Variants in TNPO3 observed in about 807,000 individuals in gnomAD.
TNPO3 encodes the protein transportin-3.
TNPO3 carries 65 observed loss-of-function variants against 122.8 expected under a neutral mutation model. That is an observed-to-expected ratio of 0.53 (90% CI 0.43 to 0.65). TNPO3 has a LOEUF of 0.65. Ranked by LOEUF, TNPO3 falls within the 30% of genes least tolerant of loss-of-function variation. TNPO3 has a pLI of 0.00. For missense variants in TNPO3, 850 were observed against 1,136.7 expected, an observed-to-expected ratio of 0.75 and a Z score of 3.63; for synonymous variants, 372 against 411.2, an observed-to-expected ratio of 0.90 and a Z score of 1.15.
chr7:128,997,821 C>G (rs1444522107), intron 7 of TNPO3, among the ~76,000 whole-genome samples: 1 of 151,954 alleles, frequency 6.6e-6, no homozygotes, highest in African/African-American at 2.4e-5. Context: ...AAAACAATAA[C>G]AGACATGGAA....
At chr7:129,008,513 T>C (rs1449348482) in intron 4 of TNPO3, among the ~76,000 whole-genome samples, 3 of 151,990 alleles carry the variant, frequency 2.0e-5, no homozygotes, top group African/African-American at 4.8e-5. Context: ...AAAGAAAATA[T>C]TCAGGGATGC....
intron 4 of TNPO3, among the ~76,000 whole-genome samples, chr7:129,006,809 C>A (rs1802628089): frequency 6.6e-6 from 1 of 152,124 alleles, no homozygotes; most frequent in Non-Finnish European, 1.5e-5. Flanking sequence ...TGCTAGGTTG[C>A]TAAGATGAAG....
chr7:128,974,052 T>C (rs994389111), intron 18 of TNPO3, among the ~76,000 whole-genome samples: 3 of 151,310 alleles, frequency 2.0e-5, no homozygotes, highest in Non-Finnish European at 4.4e-5. Context: ...TGGGCACCTG[T>C]AATCCCAACT....
intron 1 of TNPO3, among the ~76,000 whole-genome samples, chr7:129,050,717 A>T (rs1198300836): frequency 6.6e-6 from 1 of 152,178 alleles, no homozygotes. Flanking sequence ...CATTCCCTGA[A>T]CTGGCTTTAG....
chr7:129,020,151 A>C (rs974875239), intron 1 of TNPO3, among the ~76,000 whole-genome samples: 8 of 152,068 alleles, frequency 5.3e-5, no homozygotes, highest in African/African-American at 1.9e-4. Context: ...CCCACCAAAA[A>C]ACCCCAACCT....
At chr7:129,032,974 A>G (rs1327569171) in intron 1 of TNPO3, among the ~76,000 whole-genome samples, 3 of 152,202 alleles carry the variant, frequency 2.0e-5, no homozygotes, top group Non-Finnish European at 4.4e-5. Flanking sequence ...TCAAAACAGT[A>G]TGGGTACTAG....
chr7:129,046,898 T>C (rs1438189446), intron 1 of TNPO3, among the ~76,000 whole-genome samples: 5 of 152,158 alleles, frequency 3.3e-5, no homozygotes, highest in Non-Finnish European at 4.4e-5. Flanking sequence ...GAACCCCCCA[T>C]CATGATTCAA....
intron 10 of TNPO3, 188 bp from the exon 11 acceptor site, chr7:128,990,288 A>T (rs1800619495): frequency 1.4e-6 from 1 of 700,860 alleles, no homozygotes; most frequent in Non-Finnish European, 2.5e-6. Flanking sequence ...TAGAAATGAA[A>T]GATATTGTTT....
At position 129,005,011 on chromosome 7, in the gene TNPO3, C is replaced by T; in HGVS notation, c.696+5G>A. ...AATACTTTGATAAATAAGGTCATTA[C>T]TTACCAAAACCTCAAAAAGGAGTGC... On this transcript the variant is annotated splice_donor_5th_base_variant and intron_variant, in intron 5 of 22. Transcript: ENST00000265388. 6.2e-7 allele frequency: 1 copy of T among 1,611,338 alleles called. No homozygotes were observed. The highest frequency in any genetic ancestry group is 8.5e-7 in the Non-Finnish European group (1 of 1,178,724).
chr7:129,028,730 T>C (rs1805559878), intron 1 of TNPO3, among the ~76,000 whole-genome samples: 1 of 152,206 alleles, frequency 6.6e-6, no homozygotes, highest in African/African-American at 2.4e-5. Flanking sequence ...CTCTCTGTGG[T>C]ACCCAGGTGC....
rs201636723 is a variant in TNPO3, at chr7:129,054,779, C to T, written c.-9G>A. Reference sequence around the variant, plus strand: ...GGCTTTGCTCCTTCCATGGTGGTGGCGGTAGTGGCGGTAGCGACGGCTCTG... The same window carrying T: ...GGCTTTGCTCCTTCCATGGTGGTGGTGGTAGTGGCGGTAGCGACGGCTCTG... On this transcript the variant is annotated 5_prime_UTR_variant, in exon 1 of 23. Transcript: ENST00000265388. 664 of 1,613,974 alleles carry T rather than the reference C, an allele frequency of 4.1e-4. 2 individuals are homozygous for T. In the African/African-American group the frequency reaches 8.0e-3, roughly 19 times the overall value.
At chr7:128,968,292 T>C (rs1240173161) in intron 20 of TNPO3, among the ~76,000 whole-genome samples, 3 of 152,214 alleles carry the variant, frequency 2.0e-5, no homozygotes, top group Admixed American at 2.0e-4. Flanking sequence ...AACCTTGCTC[T>C]TGTTGCTGTT....
At chr7:129,047,917 GT>G (rs1351874852) in intron 1 of TNPO3, among the ~76,000 whole-genome samples, 1 of 152,178 alleles carries the variant, frequency 6.6e-6, no homozygotes, top group Non-Finnish European at 1.5e-5. Context: ...ATGCCATTTA[GT>G]GACCACTTAA....
intron 1 of TNPO3, among the ~76,000 whole-genome samples, chr7:129,052,870 G>C (rs935626385): frequency 6.6e-6 from 1 of 152,158 alleles, no homozygotes. Context: ...TTACACTTTA[G>C]AAAACTATAC....
intron 10 of TNPO3, among the ~76,000 whole-genome samples, chr7:128,991,264 G>C (rs959502426): frequency 6.6e-6 from 1 of 152,112 alleles, no homozygotes; most frequent in South Asian, 2.1e-4. Flanking sequence ...TGCCACTGAC[G>C]AGGCCCTGAA....
intron 16 of TNPO3, 32 bp downstream of exon 16, chr7:128,978,951 G>A (rs1305390439): frequency 6.2e-7 from 1 of 1,611,606 alleles, no homozygotes; most frequent in Admixed American, 1.7e-5. Flanking sequence ...TTCTGTACAT[G>A]GAACACGTCC....
chr7:128,974,839 T>G (rs370222235), intron 18 of TNPO3, 29 bp downstream of exon 18: 1 of 1,579,016 alleles, frequency 6.3e-7, no homozygotes, highest in Non-Finnish European at 8.7e-7. Flanking sequence ...GATGAGCAAT[T>G]AAGAAATGGG....
chr7:128,993,774 G>A (rs369508785), intron 9 of TNPO3, 33 bp downstream of exon 9: 164 of 1,566,194 alleles, frequency 1.0e-4, no homozygotes, highest in Middle Eastern at 8.4e-4. Flanking sequence ...AAGGTGACTA[G>A]TAAAACTGGA....
At chr7:128,985,337 G>A (rs942338733) in intron 12 of TNPO3, among the ~76,000 whole-genome samples, 1 of 152,198 alleles carries the variant, frequency 6.6e-6, no homozygotes, top group African/African-American at 2.4e-5. Flanking sequence ...GCTCATGCCT[G>A]GTATCTCAGC....
Sources: allele counts gnomAD v4.1 joint callset (sites outside exome capture counted in the v4.1 genomes callset), GRCh38; gene constraint gnomAD v4.1.1; transcripts MANE v1.5; gene names NCBI Gene and HGNC (gene_info 2026-07-23, HGNC 2026-07-21).